AUH: variants seen among roughly 807,000 people sequenced by gnomAD.
AUH encodes the protein AU RNA binding methylglutaconyl-CoA hydratase.
Under a neutral mutation model 42.3 loss-of-function variants are expected in AUH, and 29 were observed. The ratio of observed to expected loss-of-function variants is 0.69; its 90% CI spans 0.51 to 0.93. The LOEUF (loss-of-function observed/expected upper bound fraction) is 0.93, where lower values mean the gene tolerates loss of function less well. AUH is among the 40% of genes least tolerant of loss of function. The pLI, the probability that AUH is intolerant of heterozygous loss-of-function variation, is 0.00. For synonymous variants in AUH, 174 were observed against 166.4 expected, an observed-to-expected ratio of 1.05 and a Z score of -0.35; for missense variants, 452 against 438.1, an observed-to-expected ratio of 1.03 and a Z score of -0.28.
chr9:91,325,732 A>G (rs996219783), intron 3 of AUH, among the ~76,000 whole-genome samples: 1 of 152,240 alleles, frequency 6.6e-6, no homozygotes, highest in Non-Finnish European at 1.5e-5. Context: ...GAAATTGTTT[A>G]AATGTTTATT....
intron 6 of AUH, among the ~76,000 whole-genome samples, chr9:91,281,092 A>AT (rs11433910): frequency 0.026 from 4,004 of 152,028 alleles, 85 homozygotes; most frequent in East Asian, 0.066. Flanking sequence ...TATTTCTTTG[A>AT]TTTTTTCCCC....
chr9:91,346,872 A>C (rs73497190), intron 3 of AUH, among the ~76,000 whole-genome samples: 1,731 of 152,228 alleles, frequency 0.011, 39 homozygotes, highest in African/African-American at 0.039. Context: ...AAAAAAAAAA[A>C]AAAACACTTT....
rs534877401 is a variant in AUH, at chr9:91,352,393, T to C, written c.418+3490A>G. Among the ~76,000 whole-genome samples the C allele has an allele frequency of 2.5e-4, 38 of 151,968 alleles. No individual in the cohort carries two copies. The South Asian group carries it at 6.8e-3, about 27-fold the overall frequency. On this transcript the variant is annotated intron_variant, in intron 3 of 9. Coordinates refer to ENST00000375731, the MANE Select transcript of AUH (RefSeq NM_001698.3). ...TGTATATATATACATATATATAAAA[T>C]AAAGTAAAATACTAGGACAAAAATA...
intron 6 of AUH, among the ~76,000 whole-genome samples, chr9:91,264,217 T>C (rs1829850591): frequency 6.6e-6 from 1 of 152,240 alleles, no homozygotes; most frequent in African/African-American, 2.4e-5. Flanking sequence ...ACAAATCTAA[T>C]GTCATAATCT....
chr9:91,243,734 G>T (rs529557151), intron 6 of AUH, among the ~76,000 whole-genome samples: 2 of 152,314 alleles, frequency 1.3e-5, no homozygotes, highest in African/African-American at 4.8e-5. Flanking sequence ...CAGCCCGGGT[G>T]GAGCAGCCCA....
intron 4 of AUH, among the ~76,000 whole-genome samples, 199 bp downstream of exon 4, chr9:91,325,119 C>T (rs935971786): frequency 6.6e-5 from 10 of 151,922 alleles, no homozygotes; most frequent in Non-Finnish European, 1.5e-4. Context: ...TTTTATCATA[C>T]ATAAGACATC....
intron 3 of AUH, among the ~76,000 whole-genome samples, chr9:91,329,446 A>G (rs1374433275): frequency 6.6e-6 from 1 of 152,124 alleles, no homozygotes; most frequent in Non-Finnish European, 1.5e-5. Context: ...CATTCTAGTG[A>G]GTGTGAAGTG....
At chr9:91,218,557 A>T in intron 7 of AUH, 2 of 936,136 alleles carry the variant, frequency 2.1e-6, no homozygotes, top group African/African-American at 3.6e-5. Context: ...ACAAGCTGCC[A>T]GGAGATGCCC....
intron 3 of AUH, among the ~76,000 whole-genome samples, chr9:91,341,618 T>C (rs568350724): frequency 3.5e-4 from 54 of 152,346 alleles, no homozygotes; most frequent in Non-Finnish European, 6.8e-4. Flanking sequence ...ATTTTGCCAA[T>C]GTTACTTCCT....
At chr9:91,269,440 C>G (rs893928046) in intron 6 of AUH, among the ~76,000 whole-genome samples, 8 of 152,182 alleles carry the variant, frequency 5.3e-5, no homozygotes, top group Admixed American at 3.9e-4. Flanking sequence ...AGTGACAGAT[C>G]TAAATATAAA....
At chr9:91,245,599 G>A (rs1828749887) in intron 6 of AUH, among the ~76,000 whole-genome samples, 1 of 152,192 alleles carries the variant, frequency 6.6e-6, no homozygotes, top group African/African-American at 2.4e-5. Flanking sequence ...AGTAGGAAGT[G>A]CCTGAGTGAG....
At chr9:91,316,182 A>T (rs569381010) in intron 4 of AUH, among the ~76,000 whole-genome samples, 2 of 152,330 alleles carry the variant, frequency 1.3e-5, no homozygotes, top group Admixed American at 1.3e-4. Context: ...TGTGGTTTCA[A>T]ATCCAAGTAG....
At chr9:91,225,318 A>C (rs1312028269) in intron 6 of AUH, among the ~76,000 whole-genome samples, 3 of 152,182 alleles carry the variant, frequency 2.0e-5, no homozygotes, top group Admixed American at 1.3e-4. Flanking sequence ...TAAGCTCCAA[A>C]TGTAAAGAGG....
intron 1 of AUH, among the ~76,000 whole-genome samples, chr9:91,357,905 T>C (rs373837936): frequency 1.3e-5 from 2 of 152,214 alleles, no homozygotes; most frequent in Non-Finnish European, 1.5e-5. Context: ...TTCATCCTAA[T>C]AACCATTGAA....
chr9:91,255,404 G>A (rs1274949913), intron 6 of AUH, among the ~76,000 whole-genome samples: 3 of 152,218 alleles, frequency 2.0e-5, no homozygotes, highest in Non-Finnish European at 4.4e-5. Flanking sequence ...GTGACATCAA[G>A]TATTTCATCT....
At chr9:91,253,543 C>T (rs1829248947) in intron 6 of AUH, among the ~76,000 whole-genome samples, 1 of 152,184 alleles carries the variant, frequency 6.6e-6, no homozygotes, top group African/African-American at 2.4e-5. Flanking sequence ...TCACAGTAAA[C>T]CTCCTAGCCC....
At position 91,277,139 on chromosome 9, in the gene AUH, A is replaced by G. The variant is rs192222741; in HGVS notation, c.655+18882T>C. Among the ~76,000 whole-genome samples, 51 of 152,322 alleles carry G rather than the reference A, an allele frequency of 3.3e-4. 1 individual carries two copies. The highest frequency in any genetic ancestry group is 9.8e-4 in the Admixed American group (15 of 15,286). On this transcript the variant is annotated intron_variant, in intron 6 of 9. Coordinates refer to ENST00000375731, the MANE Select transcript of AUH (RefSeq NM_001698.3). ...CAGGAGTTCCAGGTTACAGGGTAAG[A>G]CCCTATCTCTAAAAATTAATACTAA...
chr9:91,250,708 C>G (rs746548430), intron 6 of AUH, among the ~76,000 whole-genome samples: 2 of 152,154 alleles, frequency 1.3e-5, no homozygotes, highest in Non-Finnish European at 2.9e-5. Flanking sequence ...GAGTACAGCA[C>G]CCATCATTTA....
At chr9:91,259,042 A>G (rs1829561196) in intron 6 of AUH, among the ~76,000 whole-genome samples, 1 of 152,204 alleles carries the variant, frequency 6.6e-6, no homozygotes, top group South Asian at 2.1e-4. Flanking sequence ...GCCTCAAACC[A>G]TGAGTCTGGA....
Sources: gnomAD v4.1 joint callset for allele counts (sites outside exome capture counted in the v4.1 genomes callset) on GRCh38, gnomAD v4.1.1 for gene constraint, MANE v1.5 for transcripts, NCBI Gene and HGNC (gene_info 2026-07-23, HGNC 2026-07-21) for gene names.